Variants in STYK1 observed in about 807,000 individuals in gnomAD.
STYK1 encodes the protein tyrosine-protein kinase STYK1.
In STYK1, 46 loss-of-function variants were observed where a neutral mutation model predicts 48.1. The observed-to-expected ratio is 0.96, with a 90% CI of 0.75 to 1.22. The LOEUF (loss-of-function observed/expected upper bound fraction) is 1.22, where lower values mean the gene tolerates loss of function less well. STYK1 is among the 50% of genes most tolerant of loss of function. The pLI, the probability that STYK1 is intolerant of heterozygous loss-of-function variation, is 0.00. For synonymous variants in STYK1, 188 were observed against 189.0 expected (o/e 0.99, Z 0.04); for missense variants, 527 against 521.1 (o/e 1.01, Z -0.11).
rs144579142 is a variant in STYK1, at chr12:10,624,779, C to T, written c.798G>A (p.Lys266=). The T allele has an allele frequency of 1.4e-4, 231 of 1,614,134 alleles. No homozygotes were observed. The African/African-American group carries it at 2.4e-3, about 17-fold the overall frequency. ...CATAAGCCAGGCCTAATCCACAGAGCTTAGCAGTGAGATCACTTTGCATCA... is the reference window on the plus strand; with the variant it reads ...CATAAGCCAGGCCTAATCCACAGAGTTTAGCAGTGAGATCACTTTGCATCA... ...NILMQSDLTA[K]LCGLGLAYEV... The change falls in exon 8 of 11, where the codon AAG becomes AAA. Residue 266 remains lysine (K), a synonymous_variant. Transcript: ENST00000075503.
intron 1 of STYK1, among the ~76,000 whole-genome samples, chr12:10,653,067 T>C (rs1277259513): frequency 6.6e-6 from 1 of 151,934 alleles, no homozygotes; most frequent in Non-Finnish European, 1.5e-5. Flanking sequence ...AATTAACATA[T>C]CTTTTCTTTC....
At position 10,620,153 on chromosome 12, in the gene STYK1, G is replaced by T. The variant is rs1565556352; in HGVS notation, c.1260C>A (p.Ser420Arg). Residue 420 changes from serine (S) to arginine (R), a missense_variant, in exon 11 of 11, where the codon AGC (serine) becomes AGA (arginine). Ser to Arg is a moderately radical substitution (Grantham distance 110). Transcript: ENST00000075503. The stretch of plus-strand genomic sequence containing the variant: ...TCTTGCCCGAGACTCTTCAAAGCAT[G>T]CTATAGTTGTAGAAGAGGCTCTCCA... The part of the protein sequence containing the change: ...IRVESLFYNY[S>R]ML 3.1e-6 allele frequency: 5 copies of T among 1,614,184 alleles called. No homozygotes were observed. The highest frequency in any genetic ancestry group is 1.1e-5 in the South Asian group (1 of 91,084).
intron 2 of STYK1, among the ~76,000 whole-genome samples, chr12:10,636,124 G>A (rs1229723022): frequency 1.3e-5 from 2 of 152,130 alleles, no homozygotes; most frequent in Non-Finnish European, 2.9e-5. Flanking sequence ...ATTATGCATT[G>A]TTTTTAATAC....
At chr12:10,660,469 G>GTGGCAAAGAAGCAACCCAAAACCCACCT (rs1565573478) in intron 1 of STYK1, among the ~76,000 whole-genome samples, 14 of 38,312 alleles carry the variant, frequency 3.7e-4, no homozygotes, top group South Asian at 1.2e-3. Context: ...GGGGAGGAGG[G>GTGGCAAAGAAGCAACCCAAAACCCACCT]AAATATGTTA....
rs769999293 is a variant in STYK1, at chr12:10,620,148, A to AG, written c.1264dup (p.Leu422ProfsTer52). 6.2e-7 allele frequency: 1 copy of AG among 1,614,214 alleles called. No homozygotes were observed. The highest frequency in any genetic ancestry group is 1.1e-5 in the South Asian group (1 of 91,084). ...ATGTTTCTTGCCCGAGACTCTTCAA[A>AG]GCATGCTATAGTTGTAGAAGAGGCT... On this transcript the variant is annotated frameshift_variant, in exon 11 of 11. Coordinates refer to ENST00000075503, the MANE Select transcript of STYK1 (RefSeq NM_018423.3). LOFTEE classifies it high-confidence loss of function.
intron 1 of STYK1, among the ~76,000 whole-genome samples, chr12:10,649,943 T>C (rs1360637425): frequency 6.6e-6 from 1 of 151,716 alleles, no homozygotes; most frequent in Non-Finnish European, 1.5e-5. Flanking sequence ...AAACCCCGTC[T>C]CTACTAAAAA....
At position 10,620,229 on chromosome 12, in the gene STYK1, A is replaced by T. The variant is rs1191050761; in HGVS notation, c.1184T>A (p.Val395Glu). ...CAGTTCAGGTACCACCAACTCTGGT[A>T]CTTGTAACACAGCCTCGTCATCTGC... Reference protein sequence around the residue: ...KTADDEAVLQVPELVVPELYA... With the variant: ...KTADDEAVLQEPELVVPELYA... The change falls in exon 11 of 11, where the codon GTA becomes GAA. Residue 395 changes from valine (V) to glutamate (E), a missense_variant. Coordinates refer to ENST00000075503, the MANE Select transcript of STYK1 (RefSeq NM_018423.3). 14 of 1,614,104 alleles carry T rather than the reference A, an allele frequency of 8.7e-6. No individual in the cohort carries two copies. The highest frequency in any genetic ancestry group is 1.2e-5 in the Non-Finnish European group (14 of 1,180,044).
At chr12:10,632,172 C>A (rs1185459126) in intron 4 of STYK1, among the ~76,000 whole-genome samples, 1 of 149,102 alleles carries the variant, frequency 6.7e-6, no homozygotes, top group Non-Finnish European at 1.5e-5. Flanking sequence ...AACATTCAGC[C>A]TAAGCAACAT....
chr12:10,650,618 C>T (rs1028166492), intron 1 of STYK1, among the ~76,000 whole-genome samples: 7 of 152,282 alleles, frequency 4.6e-5, no homozygotes, highest in African/African-American at 1.7e-4. Flanking sequence ...AAATTTCTTT[C>T]TTCTTAGCAC....
Position 10,629,517 on chromosome 12 carries a change from G to A in STYK1, c.609C>T (p.Leu203=), listed in dbSNP as rs4763567. 86,039 of 1,614,042 alleles carry A rather than the reference G, an allele frequency of 0.053. 2,709 individuals are homozygous for A. Among genetic ancestry groups the A allele is most frequent in the South Asian group, 0.099 (9,026 of 91,066 alleles). ...CCCGCCGACAGGTCCAGAGAAAGCTGAGCAGGTCCCCCTGGGCCACATCCT... is the reference window on the plus strand; with the variant it reads ...CCCGCCGACAGGTCCAGAGAAAGCTAAGCAGGTCCCCCTGGGCCACATCCT... ...VLEDVAQGDL[L]SFLWTCRRDV... is the part of the protein sequence containing the mutation. The change falls in exon 6 of 11, where the codon CTC becomes CTT. Residue 203 remains leucine (L), a synonymous_variant. Transcript: ENST00000075503.
chr12:10,626,265 C>A (rs756850653), intron 7 of STYK1, among the ~76,000 whole-genome samples: 22 of 152,164 alleles, frequency 1.4e-4, no homozygotes, highest in Non-Finnish European at 3.2e-4. Flanking sequence ...GATGAATGCA[C>A]CAATTTGACC....
chr12:10,653,712 G>A (rs1947687943), intron 1 of STYK1, among the ~76,000 whole-genome samples: 1 of 151,844 alleles, frequency 6.6e-6, no homozygotes, highest in African/African-American at 2.4e-5. Context: ...TGCTCCGACT[G>A]ATACAGAAAG....
At chr12:10,621,784 G>A (rs1223349295) in intron 10 of STYK1, 92 bp downstream of exon 10, 1 of 1,134,982 alleles carries the variant, frequency 8.8e-7, no homozygotes, top group Non-Finnish European at 1.3e-6. Context: ...ACACAGGTGA[G>A]GATCATCTGA....
intron 1 of STYK1, among the ~76,000 whole-genome samples, chr12:10,638,327 C>T (rs893991161): frequency 9.2e-5 from 14 of 152,126 alleles, no homozygotes; most frequent in African/African-American, 3.1e-4. Flanking sequence ...TTGCTTCAGA[C>T]TTTCTCTTAG....
chr12:10,624,778 G>T lies in STYK1; in HGVS notation c.799C>A (p.Leu267Ile). The T allele has an allele frequency of 6.2e-7, 1 of 1,614,160 alleles. No homozygotes were observed. The highest frequency in any genetic ancestry group is 1.1e-5 in the South Asian group (1 of 91,088). ...ILMQSDLTAK[L>I]CGLGLAYEVY... ...TCATAAGCCAGGCCTAATCCACAGAGCTTAGCAGTGAGATCACTTTGCATC... is the reference window on the plus strand; with the variant it reads ...TCATAAGCCAGGCCTAATCCACAGATCTTAGCAGTGAGATCACTTTGCATC... The change falls in exon 8 of 11, where the codon CTC (leucine) becomes ATC (isoleucine). Residue 267 changes from leucine (L) to isoleucine (I), a missense_variant. Leu to Ile is a conservative substitution (Grantham distance 5). Coordinates refer to ENST00000075503, the MANE Select transcript of STYK1 (RefSeq NM_018423.3).
chr12:10,632,517 T>C (rs1363794826), intron 4 of STYK1, among the ~76,000 whole-genome samples: 1 of 152,174 alleles, frequency 6.6e-6, no homozygotes, highest in African/African-American at 2.4e-5. Context: ...CATAAGGCCA[T>C]GGAAAAAATT....
At chr12:10,621,771 T>C (rs1865909957) in intron 10 of STYK1, 105 bp downstream of exon 10, 5 of 975,726 alleles carry the variant, frequency 5.1e-6, no homozygotes, top group East Asian at 4.8e-5. Flanking sequence ...CATGGGTACA[T>C]ATACACAGGT....
In STYK1 at chr12:10,622,772, T is replaced by A. The variant is rs748089730; in HGVS notation, c.927-94A>T. On this transcript the variant is annotated intron_variant, in intron 8 of 10. Transcript: ENST00000075503. ...TCAGAAGCCTTTAATAAGAGCCCCA[T>A]GAAAAAGGCAATGAAGGAGAATCAA... is the stretch of plus-strand genomic sequence containing the variant. 126 of 1,443,842 alleles carry A rather than the reference T, an allele frequency of 8.7e-5. No homozygotes were observed. The highest frequency in any genetic ancestry group is 1.2e-4 in the Non-Finnish European group (125 of 1,043,428). The allele number at this position is 1,443,842 out of a possible 1,614,324, so 89.4% of individuals were successfully genotyped here.
chr12:10,647,190 G>A (rs1284785578), intron 1 of STYK1, among the ~76,000 whole-genome samples: 1 of 152,202 alleles, frequency 6.6e-6, no homozygotes. Flanking sequence ...TGCACCATGT[G>A]CCTGGGAAAG....
Sources: allele counts gnomAD v4.1 joint callset (sites outside exome capture counted in the v4.1 genomes callset), GRCh38; gene constraint gnomAD v4.1.1; transcripts MANE v1.5; gene names NCBI Gene and HGNC (gene_info 2026-07-23, HGNC 2026-07-21).